The following ZBTB38 variants were observed in gnomAD, a reference collection of about 807,000 sequenced individuals.
The protein encoded by ZBTB38 is zinc finger and BTB domain containing 38.
ZBTB38 carries 20 observed loss-of-function variants against 76.8 expected under a neutral mutation model. The ratio of observed to expected loss-of-function variants is 0.26; its 90% CI spans 0.18 to 0.38. The LOEUF (loss-of-function observed/expected upper bound fraction) is 0.38. ZBTB38 is among the 10% of genes least tolerant of loss of function. The probability of loss-of-function intolerance (pLI) is 1.00; values close to 1 mark genes in which losing one functional copy is unlikely to be tolerated. For missense variants in ZBTB38, 1,082 were observed against 1,482.3 expected, an observed-to-expected ratio of 0.73 and a Z score of 4.43; for synonymous variants, 504 against 544.2, an observed-to-expected ratio of 0.93 and a Z score of 1.03.
chr3:141,381,045 C>T (rs770736002), intron 2 of ZBTB38, among the ~76,000 whole-genome samples: 27 of 152,304 alleles, frequency 1.8e-4, no homozygotes, highest in Non-Finnish European at 3.5e-4. Context: ...TACTTCCTTG[C>T]TGAATGTGTT....
At chr3:141,397,994 C>CA (rs1161643149) in intron 4 of ZBTB38, among the ~76,000 whole-genome samples, 1 of 152,188 alleles carries the variant, frequency 6.6e-6, no homozygotes, top group Non-Finnish European at 1.5e-5. Context: ...CAGAAACTTT[C>CA]AACCTGTAAA....
intron 5 of ZBTB38, among the ~76,000 whole-genome samples, chr3:141,405,161 C>G (rs1382370979): frequency 6.6e-6 from 1 of 152,196 alleles, no homozygotes; most frequent in Non-Finnish European, 1.5e-5. Context: ...CTTGGGTACT[C>G]AAGACCAGAC....
rs962033265 is a variant in ZBTB38, at chr3:141,427,200, A to T, written c.1-15189A>T. Reference sequence around the variant, plus strand: ...GGTTTATTAACAATTATTATGTGGCAGTTGCAGGGCTGAGTGCTAGGAAAA... The same window carrying T: ...GGTTTATTAACAATTATTATGTGGCTGTTGCAGGGCTGAGTGCTAGGAAAA... On this transcript the variant is annotated intron_variant, in intron 5 of 5. Transcript: ENST00000321464. 1.5e-3 allele frequency among the ~76,000 whole-genome samples: 233 copies of T among 152,206 alleles called. 1 individual carries two copies. The highest frequency in any genetic ancestry group is 5.5e-3 in the African/African-American group (226 of 41,452).
At chr3:141,437,558 C>T (rs1309854692) in intron 5 of ZBTB38, among the ~76,000 whole-genome samples, 1 of 152,188 alleles carries the variant, frequency 6.6e-6, no homozygotes, top group Non-Finnish European at 1.5e-5. Flanking sequence ...TAAAAACTAC[C>T]TGAAATAAGG....
chr3:141,424,886 T>C (rs75351160), intron 5 of ZBTB38, among the ~76,000 whole-genome samples: 4,442 of 152,330 alleles, frequency 0.029, 81 homozygotes, highest in Non-Finnish European at 0.045. Flanking sequence ...TTTTGACTAA[T>C]AATTAATTGG....
intron 1 of ZBTB38, among the ~76,000 whole-genome samples, chr3:141,343,589 C>T (rs1357031317): frequency 1.3e-5 from 2 of 152,174 alleles, no homozygotes; most frequent in Admixed American, 6.5e-5. Context: ...GTTTCCTGAT[C>T]TATACCAGCA....
chr3:141,365,951 G>A (rs1001109230), upstream of ZBTB38, among the ~76,000 whole-genome samples: 4 of 152,110 alleles, frequency 2.6e-5, no homozygotes, highest in African/African-American at 9.7e-5. Context: ...AACAAGTATA[G>A]ACAAGTCTTC....
chr3:141,361,045 T>C (rs1943810532), intron 1 of ZBTB38, among the ~76,000 whole-genome samples: 1 of 152,218 alleles, frequency 6.6e-6, no homozygotes, highest in Non-Finnish European at 1.5e-5. Context: ...GGGGACACTC[T>C]GCTACACAAA....
At chr3:141,340,914 G>GAAAAT (rs1943154509) in intron 1 of ZBTB38, among the ~76,000 whole-genome samples, 1 of 98,258 alleles carries the variant, frequency 1.0e-5, no homozygotes, top group Non-Finnish European at 2.1e-5. Flanking sequence ...GAAAAGAAAA[G>GAAAAT]AAAAGGAAAG....
At chr3:141,337,694 A>G (rs1263134476) in intron 1 of ZBTB38, among the ~76,000 whole-genome samples, 1 of 152,190 alleles carries the variant, frequency 6.6e-6, no homozygotes, top group East Asian at 1.9e-4. Flanking sequence ...TGTGTAAAGG[A>G]GGATGTTTAC....
intron 1 of ZBTB38, among the ~76,000 whole-genome samples, chr3:141,339,643 AC>A (rs1448031192): frequency 6.6e-6 from 1 of 152,206 alleles, no homozygotes; most frequent in Non-Finnish European, 1.5e-5. Context: ...GATGATTCCA[AC>A]CTTTTTACCT....
chr3:141,379,116 A>G (rs961318691), intron 2 of ZBTB38, among the ~76,000 whole-genome samples: 18 of 152,168 alleles, frequency 1.2e-4, no homozygotes, highest in African/African-American at 4.3e-4. Flanking sequence ...ACAGAGTGAG[A>G]TGGCTGCCTT....
At chr3:141,334,059 C>G (rs562501519) in intron 1 of ZBTB38, among the ~76,000 whole-genome samples, 61 of 152,164 alleles carry the variant, frequency 4.0e-4, no homozygotes, top group African/African-American at 1.4e-3. Flanking sequence ...TTTGAATCAC[C>G]CATAAAGAAT....
At chr3:141,415,269 T>C (rs532330180) in intron 5 of ZBTB38, among the ~76,000 whole-genome samples, 2 of 152,302 alleles carry the variant, frequency 1.3e-5, no homozygotes, top group African/African-American at 4.8e-5. Flanking sequence ...TGGGCTTTTA[T>C]TAGAAATGCA....
intron 5 of ZBTB38, among the ~76,000 whole-genome samples, chr3:141,419,853 G>C (rs571823166): frequency 2.0e-5 from 3 of 152,150 alleles, no homozygotes; most frequent in African/African-American, 7.2e-5. Flanking sequence ...AGGCGTGGTG[G>C]TGCATGCCTA....
intron 5 of ZBTB38, among the ~76,000 whole-genome samples, chr3:141,404,905 C>T (rs918898631): frequency 4.6e-5 from 7 of 152,192 alleles, no homozygotes; most frequent in Admixed American, 2.0e-4. Flanking sequence ...TTGCCATTCA[C>T]CCCCACCTTC....
intron 4 of ZBTB38, among the ~76,000 whole-genome samples, chr3:141,397,146 T>C (rs1408392080): frequency 1.3e-5 from 2 of 152,246 alleles, no homozygotes; most frequent in Admixed American, 1.3e-4. Flanking sequence ...CCTTCATCAA[T>C]TGTCTTAGCT....
At chr3:141,418,229 T>A (rs1225800473) in intron 5 of ZBTB38, among the ~76,000 whole-genome samples, 2 of 151,930 alleles carry the variant, frequency 1.3e-5, no homozygotes, top group Non-Finnish European at 2.9e-5. Context: ...CCCACCAGGG[T>A]TCCTCCCCAT....
intron 4 of ZBTB38, among the ~76,000 whole-genome samples, chr3:141,401,977 CA>C (rs984218333): frequency 9.2e-5 from 14 of 152,380 alleles, no homozygotes; most frequent in Middle Eastern, 3.4e-3. Flanking sequence ...ATCCAGTGTG[CA>C]TAGTCTCGAA....
Sources: gnomAD v4.1 joint callset for allele counts (sites outside exome capture counted in the v4.1 genomes callset) on GRCh38, gnomAD v4.1.1 for gene constraint, MANE v1.5 for transcripts, NCBI Gene and HGNC (gene_info 2026-07-23, HGNC 2026-07-21) for gene names.